BCAR3: variants seen among roughly 807,000 people sequenced by gnomAD.
BCAR3 encodes BCAR3 adaptor protein, NSP family member.
In BCAR3, 37 loss-of-function variants were observed where a neutral mutation model predicts 80.1. The observed-to-expected ratio is 0.46, with a 90% CI of 0.36 to 0.61. The LOEUF (loss-of-function observed/expected upper bound fraction) is 0.61. Ranked by LOEUF, BCAR3 falls within the 20% of genes least tolerant of loss-of-function variation. The probability of loss-of-function intolerance (pLI) is 0.00; values close to 1 mark genes in which losing one functional copy is unlikely to be tolerated. For missense variants in BCAR3, 978 were observed against 1,068.2 expected (o/e 0.92, Z 1.18); for synonymous variants, 389 against 418.9 (o/e 0.93, Z 0.87).
intron 2 of BCAR3, among the ~76,000 whole-genome samples, chr1:93,647,705 C>T (rs369308143): frequency 1.3e-5 from 2 of 152,238 alleles, no homozygotes; most frequent in African/African-American, 2.4e-5. Flanking sequence ...AGCGCTCTCA[C>T]GTATAAGGTA....
chr1:93,846,448 C>T (rs1226444792), intron 1 of BCAR3, among the ~76,000 whole-genome samples: 3 of 152,182 alleles, frequency 2.0e-5, no homozygotes, highest in African/African-American at 7.2e-5. Flanking sequence ...CGCAGAGCAA[C>T]CACGCGGCTT....
At chr1:93,830,931 C>T (rs1378237463) in intron 2 of BCAR3, among the ~76,000 whole-genome samples, 1 of 151,500 alleles carries the variant, frequency 6.6e-6, no homozygotes. Context: ...TCTCTTGCTA[C>T]CCTTCAATCT....
chr1:93,718,859 C>T (rs575143845), intron 2 of BCAR3, among the ~76,000 whole-genome samples: 2 of 151,162 alleles, frequency 1.3e-5, no homozygotes, highest in South Asian at 4.2e-4. Flanking sequence ...CCACACTCAG[C>T]TAATTTTTGT....
intron 2 of BCAR3, among the ~76,000 whole-genome samples, chr1:93,757,352 T>G (rs966658588): frequency 3.9e-5 from 6 of 152,128 alleles, no homozygotes; most frequent in Admixed American, 1.3e-4. Flanking sequence ...TTCTCTTTTC[T>G]CTGATGTCCA....
chr1:93,799,706 T>C (rs1653409446), intron 2 of BCAR3, among the ~76,000 whole-genome samples: 1 of 152,232 alleles, frequency 6.6e-6, no homozygotes, highest in Non-Finnish European at 1.5e-5. Context: ...ATCATCCACA[T>C]ACTGAACTAG....
intron 2 of BCAR3, among the ~76,000 whole-genome samples, chr1:93,788,632 T>C (rs1653032476): frequency 1.3e-5 from 2 of 152,220 alleles, no homozygotes; most frequent in South Asian, 4.1e-4. Flanking sequence ...AGGCTAAAGA[T>C]TGGACCCCGA....
At chr1:93,737,713 T>C (rs1651024507) in intron 2 of BCAR3, among the ~76,000 whole-genome samples, 1 of 152,182 alleles carries the variant, frequency 6.6e-6, no homozygotes, top group Non-Finnish European at 1.5e-5. Flanking sequence ...GGCATTTCAG[T>C]GGCAAAATCA....
intron 3 of BCAR3, among the ~76,000 whole-genome samples, chr1:93,631,711 T>C (rs1338417504): frequency 6.6e-6 from 1 of 152,236 alleles, no homozygotes; most frequent in African/African-American, 2.4e-5. Flanking sequence ...GGGAGGATGG[T>C]GCCTCAGCTT....
chr1:93,750,451 T>C (rs1651519062), intron 2 of BCAR3, among the ~76,000 whole-genome samples: 1 of 152,260 alleles, frequency 6.6e-6, no homozygotes. Flanking sequence ...TAAGGCATTA[T>C]TATTTTCTAT....
chr1:93,732,543 G>A (rs1429176187), intron 2 of BCAR3, among the ~76,000 whole-genome samples: 3 of 152,120 alleles, frequency 2.0e-5, no homozygotes, highest in African/African-American at 7.2e-5. Context: ...CTCGAACCTG[G>A]GAGGCAGAGG....
At chr1:93,845,417 C>CATGCA (rs1297848465) in intron 2 of BCAR3, 1 of 146,452 alleles carries the variant, frequency 6.8e-6, no homozygotes. Flanking sequence ...ATTCTCCCTG[C>CATGCA]ATGCAATGTG....
At position 93,585,863 on chromosome 1, in the gene BCAR3, C is replaced by T. The variant is rs548908020; in HGVS notation, c.930-1742G>A. On this transcript the variant is annotated intron_variant, in intron 5 of 11. Coordinates refer to ENST00000260502, the MANE Select transcript of BCAR3 (RefSeq NM_003567.4). ...AAGCAATCCTCCCACCTCAGCCTCT[C>T]GAGTAGCTGGGACCACAGGCACACA... Among the ~76,000 whole-genome samples the T allele has an allele frequency of 3.4e-4, 51 of 152,202 alleles. 1 individual carries two copies. Among genetic ancestry groups the T allele is most frequent in the East Asian group, 7.7e-4 (4 of 5,176 alleles).
chr1:93,809,958 T>C (rs1286213061), intron 2 of BCAR3, among the ~76,000 whole-genome samples: 1 of 151,768 alleles, frequency 6.6e-6, no homozygotes, highest in Non-Finnish European at 1.5e-5. Flanking sequence ...CCCAGAACTT[T>C]GGGAGGTCAA....
intron 2 of BCAR3, among the ~76,000 whole-genome samples, chr1:93,655,645 A>G (rs75673931): frequency 0.029 from 4,358 of 152,278 alleles, 95 homozygotes; most frequent in East Asian, 0.081. Context: ...AATAAATAAG[A>G]ATTCTCTTCA....
intron 3 of BCAR3, among the ~76,000 whole-genome samples, chr1:93,622,133 T>G (rs766557912): frequency 6.6e-6 from 1 of 152,138 alleles, no homozygotes; most frequent in Non-Finnish European, 1.5e-5. Flanking sequence ...ATTCCTGACC[T>G]TGTGACTCAC....
chr1:93,767,273 A>G (rs1652187539), intron 2 of BCAR3, among the ~76,000 whole-genome samples: 1 of 152,206 alleles, frequency 6.6e-6, no homozygotes, highest in South Asian at 2.1e-4. Flanking sequence ...CTATAATCCC[A>G]GCACTTTCGG....
intron 2 of BCAR3, among the ~76,000 whole-genome samples, chr1:93,771,497 A>ACGT (rs1652354781): frequency 6.6e-6 from 1 of 152,178 alleles, no homozygotes; most frequent in Admixed American, 6.5e-5. Flanking sequence ...AAGTTATATA[A>ACGT]CGTCTCTATG....
At chr1:93,644,377 A>G (rs377078512) in intron 2 of BCAR3, among the ~76,000 whole-genome samples, 20 of 152,326 alleles carry the variant, frequency 1.3e-4, no homozygotes, top group African/African-American at 4.8e-4. Context: ...ATCAATCCCC[A>G]GTCTTTAGAC....
intron 2 of BCAR3, among the ~76,000 whole-genome samples, chr1:93,725,913 A>G (rs1278314251): frequency 6.6e-6 from 1 of 152,088 alleles, no homozygotes; most frequent in Non-Finnish European, 1.5e-5. Context: ...TGGCAGGTCT[A>G]TTTCTGGGCT....
Sources: allele counts gnomAD v4.1 joint callset (sites outside exome capture counted in the v4.1 genomes callset), GRCh38; gene constraint gnomAD v4.1.1; transcripts MANE v1.5; gene names NCBI Gene and HGNC (gene_info 2026-07-23, HGNC 2026-07-21).